AFG2B: variants seen among roughly 807,000 people sequenced by gnomAD.
AFG2B encodes the protein ATPase family gene 2 protein homolog B.
At chr15:45,421,349 G>C in the AFG2B span, 1 of 564,584 alleles carries the variant, frequency 1.8e-6, no homozygotes, top group Non-Finnish European at 2.9e-6. Flanking sequence ...AAAAAAACTT[G>C]TGCCTGATAA....
the AFG2B span, among the ~76,000 whole-genome samples, chr15:45,420,176 T>C: frequency 6.6e-6 from 1 of 152,260 alleles, no homozygotes; most frequent in Non-Finnish European, 1.5e-5. Flanking sequence ...GTGTGTAGCA[T>C]AGTTTATAAT....
chr15:45,405,967 A>G, the AFG2B span, among the ~76,000 whole-genome samples: 11 of 152,098 alleles, frequency 7.2e-5, no homozygotes, highest in East Asian at 1.9e-4. Context: ...ATATATACAT[A>G]TATATAATGA....
chr15:45,418,511 CAT>C, the AFG2B span: 1 of 1,531,592 alleles, frequency 6.5e-7, no homozygotes, highest in East Asian at 2.3e-5. Flanking sequence ...TTGTGTCAAA[CAT>C]AAATGTTATA....
the AFG2B span, chr15:45,417,256 T>C: frequency 1.2e-6 from 2 of 1,612,984 alleles, no homozygotes; most frequent in Non-Finnish European, 1.7e-6. Context: ...TTGTGTTGTG[T>C]GTTTGCCCTC....
chr15:45,403,908 A>C, the AFG2B span, among the ~76,000 whole-genome samples: 1 of 152,198 alleles, frequency 6.6e-6, no homozygotes, highest in Non-Finnish European at 1.5e-5. Flanking sequence ...GAATTTAAAG[A>C]AGGATAGCCT....
chr15:45,419,421 C>T, the AFG2B span, among the ~76,000 whole-genome samples: 18,109 of 151,230 alleles, frequency 0.12, 3,639 homozygotes, highest in African/African-American at 0.42. Flanking sequence ...GAGATCGTGC[C>T]GCTGCACTCC....
At chr15:45,402,409 T>A in the AFG2B span, 1 of 1,575,064 alleles carries the variant, frequency 6.3e-7, no homozygotes, top group Middle Eastern at 1.7e-4. Flanking sequence ...TGGTTTCGTC[T>A]GCCTGGTTCA....
At chr15:45,419,156 G>A in the AFG2B span, among the ~76,000 whole-genome samples, 5 of 152,252 alleles carry the variant, frequency 3.3e-5, no homozygotes, top group East Asian at 1.9e-4. Context: ...GAAATAAAGC[G>A]AAAGAAGTGG....
the AFG2B span, among the ~76,000 whole-genome samples, chr15:45,413,844 TACTTA>T: frequency 6.6e-6 from 1 of 152,210 alleles, no homozygotes; most frequent in South Asian, 2.1e-4. Flanking sequence ...CTAGGCAAAT[TACTTA>T]ACTTTTTTTA....
chr15:45,402,637 G>A, the AFG2B span: 1 of 1,578,412 alleles, frequency 6.3e-7, no homozygotes, highest in Non-Finnish European at 8.6e-7. Flanking sequence ...CGGAGCGGAC[G>A]GCTTTGTGCA....
chr15:45,419,797 A>G, the AFG2B span, among the ~76,000 whole-genome samples: 5 of 151,950 alleles, frequency 3.3e-5, no homozygotes, highest in Non-Finnish European at 7.4e-5. Flanking sequence ...CAGGAGGATC[A>G]TCTGAGCCCA....
the AFG2B span, chr15:45,414,458 TTCC>T: frequency 1.0e-6 from 1 of 958,536 alleles, no homozygotes. Context: ...AATGGACTGT[TTCC>T]AGCTCATAAT....
At chr15:45,407,146 A>G in the AFG2B span, 1 of 1,286,038 alleles carries the variant, frequency 7.8e-7, no homozygotes, top group Non-Finnish European at 1.0e-6. Context: ...ACCACAGGTG[A>G]TGGCTGAGTT....
the AFG2B span, chr15:45,402,677 C>T: frequency 6.7e-5 from 105 of 1,576,334 alleles, no homozygotes; most frequent in East Asian, 1.7e-3. Flanking sequence ...AGCCCCGGGG[C>T]GGCGGTCGGG....
the AFG2B span, chr15:45,421,033 C>G: frequency 6.2e-7 from 1 of 1,603,836 alleles, no homozygotes; most frequent in Non-Finnish European, 8.5e-7. Context: ...TATTGCTTGT[C>G]TCTTAATAGG....
the AFG2B span, among the ~76,000 whole-genome samples, chr15:45,406,197 G>C: frequency 7.9e-5 from 12 of 152,090 alleles, no homozygotes; most frequent in Admixed American, 5.2e-4. Flanking sequence ...GTTATTCTGT[G>C]GAATATTCGT....
At chr15:45,411,396 C>T in the AFG2B span, among the ~76,000 whole-genome samples, 1 of 152,120 alleles carries the variant, frequency 6.6e-6, no homozygotes, top group Non-Finnish European at 1.5e-5. Context: ...CTCACTGCAC[C>T]CTTGAACTCC....
At chr15:45,407,733 G>T in the AFG2B span, among the ~76,000 whole-genome samples, 4 of 152,096 alleles carry the variant, frequency 2.6e-5, no homozygotes, top group African/African-American at 7.2e-5. Flanking sequence ...AAGACAGTTT[G>T]TTTTTGAAAA....
At chr15:45,404,275 C>A in the AFG2B span, among the ~76,000 whole-genome samples, 3 of 152,078 alleles carry the variant, frequency 2.0e-5, no homozygotes, top group Admixed American at 1.3e-4. Context: ...TACCTGTGTC[C>A]TTAAGGGCAG....
Sources: allele counts gnomAD v4.1 joint callset (sites outside exome capture counted in the v4.1 genomes callset), GRCh38; gene constraint gnomAD v4.1.1; transcripts MANE v1.5; gene names NCBI Gene and HGNC (gene_info 2026-07-23, HGNC 2026-07-21).